Variants in ZBTB40 observed in about 807,000 individuals in gnomAD.
The protein encoded by ZBTB40 is zinc finger and BTB domain-containing protein 40.
Under a neutral mutation model 117.5 loss-of-function variants are expected in ZBTB40, and 60 were observed. That is an observed-to-expected ratio of 0.51 (90% CI 0.41 to 0.63). The LOEUF is 0.63. ZBTB40 is among the 30% of genes least tolerant of loss of function. The probability of loss-of-function intolerance (pLI) is 0.00; values close to 1 mark genes in which losing one functional copy is unlikely to be tolerated. For synonymous variants in ZBTB40, 525 were observed against 577.1 expected, an observed-to-expected ratio of 0.91 and a Z score of 1.29; for missense variants, 1,287 against 1,498.5, an observed-to-expected ratio of 0.86 and a Z score of 2.33.
chr1:22,502,655 ATGGATGGATGGATGTGTGGGTGGG>A (rs1178490724), intron 5 of ZBTB40, among the ~76,000 whole-genome samples: 7 of 152,058 alleles, frequency 4.6e-5, no homozygotes, highest in Non-Finnish European at 7.4e-5. Flanking sequence ...AAATGGATGG[ATGGATGGATGGATGTGTGGGTGGG>A]TGGATGGATG....
Position 22,528,412 on chromosome 1 carries a change from T to C in ZBTB40, c.*2016T>C, listed in dbSNP as rs1296363221. On this transcript the variant is annotated 3_prime_UTR_variant, in exon 18 of 18. Coordinates refer to ENST00000375647, the MANE Select transcript of ZBTB40 (RefSeq NM_014870.4). ...ACTAGAAATAATTGCTGAGGGCTTATAGGGAAGTGATTTAAAAAGAAAAAA... is the reference window on the plus strand; with the variant it reads ...ACTAGAAATAATTGCTGAGGGCTTACAGGGAAGTGATTTAAAAAGAAAAAA... The C allele has an allele frequency of 6.8e-6, 1 of 147,274 alleles. No homozygotes were observed. 9.1% of individuals were successfully genotyped at this position (147,274 alleles called of 1,614,324 possible). A position where few individuals can be genotyped will look rare whatever the true frequency, so the allele number is the denominator to read the frequency against.
chr1:22,501,326 CGCAGGGCTTGTTGGAACT>C (rs1638929669), intron 3 of ZBTB40, among the ~76,000 whole-genome samples, 148 bp from the exon 4 acceptor site: 1 of 152,106 alleles, frequency 6.6e-6, no homozygotes, highest in East Asian at 1.9e-4. Flanking sequence ...AGCATGGGAC[CGCAGGGCTTGTTGGAACT>C]GCTGCTGGGG....
intron 1 of ZBTB40, among the ~76,000 whole-genome samples, chr1:22,429,209 C>T (rs1342386309): frequency 6.6e-6 from 1 of 151,878 alleles, no homozygotes; most frequent in Admixed American, 6.6e-5. Context: ...GGTGAAACCC[C>T]GTCTCCACTA....
rs749784290 is a variant in ZBTB40, at chr1:22,513,024, C to T, written c.2562C>T (p.His854=). 1 of 1,614,154 alleles carries T rather than the reference C, an allele frequency of 6.2e-7. No homozygotes were observed. Among genetic ancestry groups the T allele is most frequent in the South Asian group, 1.1e-5 (1 of 91,080 alleles). ...KFAANSTLKN[H]LRLHTGDRPF... ...CAGCCAATTCCACCCTGAAGAACCA[C>T]CTTCGCCTTCACACCGGGGACCGCC... The change falls in exon 12 of 18, where the codon CAC becomes CAT. Residue 854 remains histidine (H), a synonymous_variant. Coordinates refer to ENST00000375647, the MANE Select transcript of ZBTB40 (RefSeq NM_014870.4). This position sits in a 1 kb window ranked among gnomAD's most constrained non-coding sequence, Gnocchi z 4.9.
chr1:22,517,681 G>A (rs2124466906), intron 13 of ZBTB40: 1 of 589,018 alleles, frequency 1.7e-6, no homozygotes, highest in East Asian at 3.0e-5. Flanking sequence ...TGGCCAGGCT[G>A]TTTCCCTGTC....
intron 3 of ZBTB40, among the ~76,000 whole-genome samples, chr1:22,496,020 T>A (rs1465108757): frequency 1.3e-5 from 2 of 152,178 alleles, no homozygotes; most frequent in Non-Finnish European, 2.9e-5. Flanking sequence ...CTCATCTGTA[T>A]TTTCTGACAT....
intron 1 of ZBTB40, among the ~76,000 whole-genome samples, chr1:22,477,613 C>T (rs1186487403): frequency 6.7e-6 from 1 of 148,578 alleles, no homozygotes; most frequent in Non-Finnish European, 1.5e-5. Context: ...CGCGCCACTG[C>T]ACTCCAGCCT....
rs555644300 is a variant in ZBTB40, at chr1:22,507,751, A to G, written c.1361-250A>G. On this transcript the variant is annotated intron_variant, in intron 6 of 17. Coordinates refer to ENST00000375647, the MANE Select transcript of ZBTB40 (RefSeq NM_014870.4). ...CTTCTAATTACCCCCCTGGTGAGCAATTGCTAGCTCCTACCACCAGGCACT... is the reference window on the plus strand; with the variant it reads ...CTTCTAATTACCCCCCTGGTGAGCAGTTGCTAGCTCCTACCACCAGGCACT... Among the ~76,000 whole-genome samples, 3 of 152,256 alleles carry G rather than the reference A, an allele frequency of 2.0e-5. No individual in the cohort carries two copies. The East Asian group carries it at 5.8e-4, about 29-fold the overall frequency.
intron 12 of ZBTB40, among the ~76,000 whole-genome samples, chr1:22,516,921 C>G (rs1330151853): frequency 6.6e-6 from 1 of 151,558 alleles, no homozygotes; most frequent in African/African-American, 2.4e-5. Context: ...TGCACAGTTG[C>G]AGATCCACAC....
upstream of ZBTB40, among the ~76,000 whole-genome samples, chr1:22,451,271 T>C (rs1343936043): frequency 6.6e-6 from 1 of 152,180 alleles, no homozygotes; most frequent in African/African-American, 2.4e-5. Flanking sequence ...TGTGTTGTTT[T>C]GGAAAAACGA....
chr1:22,457,548 A>C (rs778205637), intron 1 of ZBTB40, among the ~76,000 whole-genome samples: 2 of 152,206 alleles, frequency 1.3e-5, no homozygotes, highest in Non-Finnish European at 2.9e-5. Flanking sequence ...TGCTGCAGGC[A>C]CTAGCGTGGT....
chr1:22,490,649 A>G lies in ZBTB40; in HGVS notation c.697+4A>G, dbSNP rs1424713670. The stretch of plus-strand genomic sequence containing the variant: ...AAGAAGACAAGCACAGAACCAGGTA[A>G]CAGTCATTGTTTTATATTCCATCCT... On this transcript the variant is annotated splice_donor_region_variant and intron_variant, in intron 2 of 17. Transcript: ENST00000375647. 5 of 1,612,570 alleles carry G rather than the reference A, an allele frequency of 3.1e-6. No homozygotes were observed. Among genetic ancestry groups the G allele is most frequent in the African/African-American group, 1.3e-5 (1 of 75,052 alleles).
rs1410293176 is a variant in ZBTB40, at chr1:22,519,983, A to G, written c.2834-78A>G. ...ACATTTGTTGCTGTACACAACAACC[A>G]GTGTTTCACTGATGGCTGCCTATGG... is the stretch of plus-strand genomic sequence containing the variant. On this transcript the variant is annotated intron_variant, in intron 13 of 17. Transcript: ENST00000375647. 10 of 1,267,368 alleles carry G rather than the reference A, an allele frequency of 7.9e-6. No homozygotes were observed. In the East Asian group the frequency reaches 1.4e-4, roughly 18 times the overall value. 78.5% of individuals were successfully genotyped at this position (1,267,368 alleles called of 1,614,324 possible).
intron 1 of ZBTB40, among the ~76,000 whole-genome samples, chr1:22,483,400 A>T (rs1039529109): frequency 1.3e-5 from 2 of 152,192 alleles, no homozygotes; most frequent in Admixed American, 1.3e-4. Flanking sequence ...ACTATTTTGC[A>T]TTCCCACCGG....
intron 1 of ZBTB40, among the ~76,000 whole-genome samples, chr1:22,439,059 G>A (rs1640703784): frequency 6.6e-6 from 1 of 152,048 alleles, no homozygotes; most frequent in Non-Finnish European, 1.5e-5. Flanking sequence ...GTAGAGACAG[G>A]GTTTCACCAT....
At position 22,513,057 on chromosome 1, in the gene ZBTB40, G is replaced by A. The variant is rs571714199; in HGVS notation, c.2595G>A (p.Met865Ile). The change falls in exon 12 of 18, where the codon ATG becomes ATA. Residue 865 changes from methionine to isoleucine, a missense_variant. This residue lies in a region of ZBTB40 where 417 missense variants were observed against 564.1 expected (regional missense o/e 0.74). Coordinates refer to ENST00000375647, the MANE Select transcript of ZBTB40 (RefSeq NM_014870.4). The surrounding 1 kb of genome is among the most constrained non-coding windows in gnomAD (Gnocchi z 4.9). ...TTCACACCGGGGACCGCCCGTTCAT[G>A]TGCAAGCACTGCCTCATGACCTTCA... is the stretch of plus-strand genomic sequence containing the variant. ...LRLHTGDRPFMCKHCLMTFTQ... is the reference protein window; with the variant it reads ...LRLHTGDRPFICKHCLMTFTQ... 37 of 1,614,194 alleles carry A rather than the reference G, an allele frequency of 2.3e-5. No individual in the cohort carries two copies. In the South Asian group the frequency reaches 3.8e-4, roughly 17 times the overall value.
At chr1:22,495,719 T>C (rs1638755679) in intron 3 of ZBTB40, among the ~76,000 whole-genome samples, 1 of 152,084 alleles carries the variant, frequency 6.6e-6, no homozygotes. Flanking sequence ...ACCATATTGT[T>C]CAGGCTGGTC....
At chr1:22,459,356 A>T (rs1641079721) in intron 1 of ZBTB40, among the ~76,000 whole-genome samples, 1 of 152,096 alleles carries the variant, frequency 6.6e-6, no homozygotes, top group Non-Finnish European at 1.5e-5. Context: ...AACATTTAAG[A>T]CTCTGATCCA....
intron 14 of ZBTB40, among the ~76,000 whole-genome samples, chr1:22,520,856 T>A (rs1639502350): frequency 6.6e-6 from 1 of 152,230 alleles, no homozygotes; most frequent in Non-Finnish European, 1.5e-5. Flanking sequence ...TAACTTTAGC[T>A]CAGCAAAAAC....
Sources: allele counts gnomAD v4.1 joint callset (sites outside exome capture counted in the v4.1 genomes callset), GRCh38; gene constraint gnomAD v4.1.1; regional missense constraint gnomAD v4.1.1; non-coding constraint Gnocchi (gnomAD v3.1); transcripts MANE v1.5; gene names NCBI Gene and HGNC (gene_info 2026-07-23, HGNC 2026-07-21).